RCHY1: variants seen among roughly 807,000 people sequenced by gnomAD.
RCHY1 encodes the protein RING finger and CHY zinc finger domain-containing protein 1.
In RCHY1, 21 loss-of-function variants were observed where a neutral mutation model predicts 41.6. The observed-to-expected ratio is 0.51, with a 90% confidence interval of 0.36 to 0.73. RCHY1 has a LOEUF of 0.73. RCHY1 is among the 30% of genes least tolerant of loss of function. The probability of loss-of-function intolerance (pLI) is 0.00; values close to 1 mark genes in which losing one functional copy is unlikely to be tolerated. For synonymous variants in RCHY1, 79 were observed against 102.9 expected (o/e 0.77, Z 1.41); for missense variants, 265 against 325.3 (o/e 0.81, Z 1.43).
rs1721462450 is a variant in RCHY1 at position 75,480,755 on chromosome 4, AGCCCT to A, written c.*1778_*1782del. On this transcript the variant is annotated 3_prime_UTR_variant, in exon 9 of 9. Coordinates refer to ENST00000324439, the MANE Select transcript of RCHY1 (RefSeq NM_015436.4). The stretch of plus-strand genomic sequence containing the variant: ...CACAGTGGCTCATGCCTGTAATCCT[AGCCCT>A]TGGAAGGCCGAGGTAGGAGAAATGC... 1 of 152,278 alleles carries A rather than the reference AGCCCT, an allele frequency of 6.6e-6. No homozygotes were observed. The highest frequency in any genetic ancestry group is 2.4e-5 in the African/African-American group (1 of 41,462). The allele number at this position is 152,278 out of a possible 1,614,324, so 9.4% of individuals were successfully genotyped here. A position where few individuals can be genotyped will look rare whatever the true frequency, so the allele number is the denominator to read the frequency against.
At chr4:75,484,720 AT>A (rs1329565057) in intron 8 of RCHY1, among the ~76,000 whole-genome samples, 1 of 152,198 alleles carries the variant, frequency 6.6e-6, no homozygotes, top group Non-Finnish European at 1.5e-5. Flanking sequence ...CTTTTTAAAC[AT>A]TTTATAGAAG....
rs66464066 is a variant in RCHY1, at chr4:75,482,007, A to ACTGC, written c.*530_*531insGCAG. 2.6e-5 allele frequency: 4 copies of ACTGC among 151,610 alleles called. No individual in the cohort carries two copies. Among genetic ancestry groups the ACTGC allele is most frequent in the African/African-American group, 7.3e-5 (3 of 41,288 alleles). 9.4% of individuals were successfully genotyped at this position (151,610 alleles called of 1,614,324 possible). ...CTTTGGAAAAAACTTTCTATAAAAC[A>ACTGC]GTTTCAATATAATTTTATTAGCAGT... On this transcript the variant is annotated 3_prime_UTR_variant, in exon 9 of 9. Coordinates refer to ENST00000324439, the MANE Select transcript of RCHY1 (RefSeq NM_015436.4).
intron 8 of RCHY1, among the ~76,000 whole-genome samples, chr4:75,489,213 C>T (rs1274908440): frequency 2.6e-5 from 4 of 151,940 alleles, no homozygotes; most frequent in South Asian, 2.1e-4. Flanking sequence ...TTTGCTTTGT[C>T]GAAACCATAA....
chr4:75,509,607 C>A, intron 1 of RCHY1: 1 of 222,142 alleles, frequency 4.5e-6, no homozygotes, highest in South Asian at 9.4e-5. Flanking sequence ...GTGTTCCCAC[C>A]CAAATCTCAA....
At chr4:75,496,357 T>C (rs1560520674) in intron 3 of RCHY1, among the ~76,000 whole-genome samples, 1 of 152,006 alleles carries the variant, frequency 6.6e-6, no homozygotes, top group Non-Finnish European at 1.5e-5. Flanking sequence ...GACATCATGA[T>C]TGAAATGATG....
intron 3 of RCHY1, among the ~76,000 whole-genome samples, chr4:75,501,354 A>T (rs1020367347): frequency 2.0e-5 from 3 of 152,200 alleles, no homozygotes; most frequent in Non-Finnish European, 4.4e-5. Flanking sequence ...ATTATTGATG[A>T]TCATATGTCA....
At chr4:75,486,211 C>T (rs1222276740) in intron 8 of RCHY1, among the ~76,000 whole-genome samples, 3 of 152,090 alleles carry the variant, frequency 2.0e-5, no homozygotes, top group Non-Finnish European at 4.4e-5. Flanking sequence ...CCCTTCATAG[C>T]CCTCCTGGTT....
rs1721553399 is a variant in RCHY1, at chr4:75,481,917, G to C, written c.*621C>G. The C allele has an allele frequency of 6.6e-6, 1 of 151,998 alleles. No homozygotes were observed. Among genetic ancestry groups the C allele is most frequent in the Non-Finnish European group, 1.5e-5 (1 of 67,966 alleles). The allele number at this position is 151,998 out of a possible 1,614,324, so 9.4% of individuals were successfully genotyped here. On this transcript the variant is annotated 3_prime_UTR_variant, in exon 9 of 9. Transcript: ENST00000324439. ...ACTACTTTTATGGAATACCTCAAAA[G>C]AAAGAAAATTTCTTTTACATTATAG... is the stretch of plus-strand genomic sequence containing the variant.
intron 4 of RCHY1, 84 bp from the exon 5 acceptor site, chr4:75,492,017 A>G: frequency 2.0e-6 from 2 of 1,003,856 alleles, no homozygotes; most frequent in Non-Finnish European, 2.9e-6. Flanking sequence ...AAAAATTAAC[A>G]AAACCAACTT....
At chr4:75,487,015 G>A (rs906972339) in intron 8 of RCHY1, among the ~76,000 whole-genome samples, 5 of 151,958 alleles carry the variant, frequency 3.3e-5, no homozygotes, top group East Asian at 1.9e-4. Context: ...GTTACTTAAC[G>A]GTTGTTTCAA....
intron 1 of RCHY1, chr4:75,509,513 T>C: frequency 2.3e-6 from 1 of 441,454 alleles, no homozygotes; most frequent in Non-Finnish European, 4.1e-6. Flanking sequence ...TGTATGAAGT[T>C]GAACACAACT....
At chr4:75,505,119 G>C (rs1724170310) in intron 3 of RCHY1, among the ~76,000 whole-genome samples, 1 of 152,114 alleles carries the variant, frequency 6.6e-6, no homozygotes, top group Non-Finnish European at 1.5e-5. Context: ...CAGATAATCA[G>C]GTATTAGATT....
intron 8 of RCHY1, among the ~76,000 whole-genome samples, chr4:75,484,628 C>A (rs1224286368): frequency 6.6e-6 from 1 of 152,090 alleles, no homozygotes; most frequent in Non-Finnish European, 1.5e-5. Context: ...AAATGGGATC[C>A]TTAATTTCTG....
Position 75,479,425 on chromosome 4 carries a change from T to C in RCHY1, c.*3113A>G, listed in dbSNP as rs1721357110. ...CTCTTTAGTACTTAGTAAATTTATT[T>C]TGATGCATGACCAAAATAAAAGGGA... On this transcript the variant is annotated 3_prime_UTR_variant, in exon 9 of 9. Transcript: ENST00000324439. 2 of 152,096 alleles carry C rather than the reference T, an allele frequency of 1.3e-5. No individual in the cohort carries two copies. The highest frequency in any genetic ancestry group is 6.6e-5 in the Admixed American group (1 of 15,254). The allele number at this position is 152,096 out of a possible 1,614,324, so 9.4% of individuals were successfully genotyped here. A position where few individuals can be genotyped will look rare whatever the true frequency, so the allele number is the denominator to read the frequency against.
Position 75,514,047 on chromosome 4 carries a change from TCTC to T in RCHY1, c.90+147_90+149del, listed in dbSNP as rs1445137729. 42 of 1,256,352 alleles carry T rather than the reference TCTC, an allele frequency of 3.3e-5. No homozygotes were observed. The East Asian group carries it at 3.5e-4, about 11-fold the overall frequency. The allele number at this position is 1,256,352 out of a possible 1,614,324, so 77.8% of individuals were successfully genotyped here. A position where few individuals can be genotyped will look rare whatever the true frequency, so the allele number is the denominator to read the frequency against. On this transcript the variant is annotated intron_variant, in intron 1 of 8. Transcript: ENST00000324439. Reference sequence around the variant, plus strand: ...GGGCTTATCGCCTTGCCAAAAACGTTCTCCTCAAGAAGAACCCAGTTCCAGGTG... The same window carrying T: ...GGGCTTATCGCCTTGCCAAAAACGTTCTCAAGAAGAACCCAGTTCCAGGTG...
chr4:75,494,608 C>T (rs1041610594), intron 3 of RCHY1, among the ~76,000 whole-genome samples: 1 of 151,782 alleles, frequency 6.6e-6, no homozygotes, highest in African/African-American at 2.4e-5. Context: ...AATATTCCCT[C>T]AGAAAGATCA....
At chr4:75,494,424 C>A in intron 3 of RCHY1, 1 of 361,436 alleles carries the variant, frequency 2.8e-6, no homozygotes, top group Non-Finnish European at 5.0e-6. Context: ...GAAACACAGA[C>A]ACACACACAC....
intron 8 of RCHY1, among the ~76,000 whole-genome samples, chr4:75,489,144 A>G (rs1722514701): frequency 6.6e-6 from 1 of 152,154 alleles, no homozygotes. Flanking sequence ...TCCAAATTTT[A>G]CATGTATATA....
At chr4:75,488,420 C>T (rs1722447260) in intron 8 of RCHY1, among the ~76,000 whole-genome samples, 1 of 152,160 alleles carries the variant, frequency 6.6e-6, no homozygotes, top group African/African-American at 2.4e-5. Context: ...CCCTGACAAA[C>T]TCTCTTAAAT....
Sources: allele counts gnomAD v4.1 joint callset (sites outside exome capture counted in the v4.1 genomes callset), GRCh38; gene constraint gnomAD v4.1.1; transcripts MANE v1.5; gene names NCBI Gene and HGNC (gene_info 2026-07-23, HGNC 2026-07-21).